PRDM7: variants seen among roughly 807,000 people sequenced by gnomAD.
PRDM7 encodes the protein histone-lysine N-methyltransferase PRDM7.
Under a neutral mutation model 64.3 loss-of-function variants are expected in PRDM7, and 52 were observed. The observed-to-expected ratio is 0.81, with a 90% CI of 0.65 to 1.02. The LOEUF is 1.02. Among genes scored for constraint, PRDM7 ranks in the 50% least tolerant of loss-of-function variants. PRDM7 has a pLI of 0.00. For synonymous variants in PRDM7, 192 were observed against 210.1 expected (o/e 0.91, Z 0.74); for missense variants, 574 against 597.1 (o/e 0.96, Z 0.40).
chr16:90,060,218 C>T (rs2037748384), intron 10 of PRDM7, 123 bp downstream of exon 10: 1 of 1,406,658 alleles, frequency 7.1e-7, no homozygotes, highest in Admixed American at 2.1e-5. Flanking sequence ...TTTTGGAAGC[C>T]ACTGATGTAA....
chr16:90,060,236 C>T, intron 10 of PRDM7, 105 bp downstream of exon 10: 1 of 1,536,736 alleles, frequency 6.5e-7, no homozygotes, highest in South Asian at 1.2e-5. Flanking sequence ...TAAAATTTTA[C>T]TGACTTTAGA....
At chr16:90,071,812 A>G (rs982588856) in intron 4 of PRDM7, among the ~76,000 whole-genome samples, 7 of 152,334 alleles carry the variant, frequency 4.6e-5, no homozygotes, top group Admixed American at 2.0e-4. Context: ...AGACACTGTA[A>G]AAAAACAGTA....
At chr16:90,072,943 C>A (rs1012187255) in intron 4 of PRDM7, among the ~76,000 whole-genome samples, 1 of 152,154 alleles carries the variant, frequency 6.6e-6, no homozygotes, top group African/African-American at 2.4e-5. Flanking sequence ...ATGGGGAAAT[C>A]GTAGACCCAA....
At chr16:90,070,245 C>T (rs369551069) in intron 4 of PRDM7, among the ~76,000 whole-genome samples, 1 of 150,822 alleles carries the variant, frequency 6.6e-6, no homozygotes, top group Admixed American at 6.6e-5. Flanking sequence ...GATGGAGCCA[C>T]TGGTAGGTAA....
In PRDM7 at chr16:90,075,928, G is replaced by A; in HGVS notation, c.-18C>T. On this transcript the variant is annotated 5_prime_UTR_variant, in exon 2 of 11. Coordinates refer to ENST00000449207, the MANE Select transcript of PRDM7 (RefSeq NM_001098173.2). This position sits in a 1 kb window ranked among gnomAD's most constrained non-coding sequence, Gnocchi z 4.3. ...GGGCTCATGGTGCTGGGACTGTCTAGAAGGCCCTGCTCCAATTCTGAGTGT... is the reference window on the plus strand; with the variant it reads ...GGGCTCATGGTGCTGGGACTGTCTAAAAGGCCCTGCTCCAATTCTGAGTGT... The A allele has an allele frequency of 6.2e-7, 1 of 1,611,914 alleles. No individual in the cohort carries two copies.
rs1252081658 is a variant in PRDM7, at chr16:90,074,937, C to A, written c.280G>T (p.Glu94Ter). Residue 94 changes from glutamate to a stop codon, truncating the protein, a stop_gained, in exon 4 of 11, where the codon GAA (glutamate) becomes TAA (stop). Transcript: ENST00000449207. LOFTEE classifies it high-confidence loss of function. ...TTACCTTGCTGCCTAGGTGTCCATT[C>A]TTCATCGGAATCTTCTGTGTCATCC... ...QVDDTEDSDE[E>*]WTPRQQVKPP... is the part of the protein sequence containing the mutation. The A allele has an allele frequency of 4.3e-6, 7 of 1,614,058 alleles. No individual in the cohort carries two copies. Among genetic ancestry groups the A allele is most frequent in the Non-Finnish European group, 5.1e-6 (6 of 1,180,004 alleles).
intron 5 of PRDM7, among the ~76,000 whole-genome samples, chr16:90,065,127 C>T (rs1015185967): frequency 6.6e-6 from 1 of 150,474 alleles, no homozygotes; most frequent in African/African-American, 2.5e-5. Flanking sequence ...TCTCGCCAGG[C>T]ACAGTGGCTC....
Position 90,075,508 on chromosome 16 carries a change from C to T in PRDM7, c.70-34G>A, listed in dbSNP as rs150759387. 9.4e-4 allele frequency: 1,514 copies of T among 1,614,182 alleles called. 17 individuals are homozygous for T. The East Asian group carries it at 0.021, about 23-fold the overall frequency. ...AGTAACAGATTCCATCAGTGATTTA[C>T]TAATACACATCGAGCTGGTCCTTTT... On this transcript the variant is annotated intron_variant, in intron 2 of 10. Coordinates refer to ENST00000449207, the MANE Select transcript of PRDM7 (RefSeq NM_001098173.2). This position sits in a 1 kb window ranked among gnomAD's most constrained non-coding sequence, Gnocchi z 4.3.
chr16:90,067,745 C>T (rs2037899341), intron 4 of PRDM7, among the ~76,000 whole-genome samples: 1 of 150,558 alleles, frequency 6.6e-6, no homozygotes, highest in Non-Finnish European at 1.5e-5. Context: ...TGCCTGCCAC[C>T]ACGCCCAGCT....
At position 90,063,628 on chromosome 16, in the gene PRDM7, G is replaced by A; in HGVS notation, c.492C>T (p.His164=). Residue 164 remains histidine (H), a synonymous_variant, in exon 6 of 11, where the codon CAC becomes CAT. Transcript: ENST00000449207. ...TTTTCTTACCCAGTTTTAGTCTAGA[G>A]TGCTGTCCAGAGGTACTTGCTTCTC... The part of the protein sequence containing the change: ...PPGEASTSGQ[H]SRLKLELRRK... The A allele has an allele frequency of 1.2e-6, 2 of 1,613,538 alleles. No individual in the cohort carries two copies. The highest frequency in any genetic ancestry group is 1.7e-6 in the Non-Finnish European group (2 of 1,180,008).
In PRDM7 at chr16:90,058,488, A is replaced by G. The variant is rs201888078; in HGVS notation, c.1280T>C (p.Phe427Ser). 4.3e-6 allele frequency: 7 copies of G among 1,614,198 alleles called. No individual in the cohort carries two copies. Among genetic ancestry groups the G allele is most frequent in the Non-Finnish European group, 5.9e-6 (7 of 1,180,036 alleles). The part of the protein sequence containing the change: ...SIHVPHAVWP[F>S]QVKNFSVNMW... ...GTTGACTGAGAAATTTTTGACTTGA[A>G]AAGGCCAGACAGCATGAGGGACATG... Residue 427 changes from phenylalanine to serine, a missense_variant, in exon 11 of 11, where the codon TTT (phenylalanine) becomes TCT (serine). Phe to Ser is a radical substitution (Grantham distance 155). Transcript: ENST00000449207.
chr16:90,060,247 C>T (rs1056541121), intron 10 of PRDM7, 94 bp downstream of exon 10: 94 of 1,581,136 alleles, frequency 5.9e-5, no homozygotes, highest in East Asian at 3.4e-4. Flanking sequence ...TGACTTTAGA[C>T]GGCGTTTTAC....
In PRDM7 at chr16:90,058,170, T is replaced by G. The variant is rs201661430; in HGVS notation, c.*119A>C. 1.2e-4 allele frequency: 199 copies of G among 1,614,240 alleles called. 1 individual carries two copies. In the East Asian group the frequency reaches 3.8e-3, roughly 31 times the overall value. ...ATTTGCCTGTGTTCCCTGGATTCACTTTCTGGCCTGTTCTGGACTCTTCTT... is the reference window on the plus strand; with the variant it reads ...ATTTGCCTGTGTTCCCTGGATTCACGTTCTGGCCTGTTCTGGACTCTTCTT... On this transcript the variant is annotated 3_prime_UTR_variant, in exon 11 of 11. Transcript: ENST00000449207.
intron 4 of PRDM7, among the ~76,000 whole-genome samples, chr16:90,071,609 A>AT (rs2037956922): frequency 2.2e-5 from 1 of 44,970 alleles, no homozygotes; most frequent in African/African-American, 4.0e-5. Flanking sequence ...CATCCTTTTC[A>AT]TCGGAACCCA....
At chr16:90,076,329 CT>C (rs1041199268) in intron 1 of PRDM7, among the ~76,000 whole-genome samples, 7 of 152,106 alleles carry the variant, frequency 4.6e-5, no homozygotes, top group African/African-American at 1.7e-4. Context: ...TCAAGGAGAC[CT>C]TGAGGCCCCC....
intron 5 of PRDM7, among the ~76,000 whole-genome samples, chr16:90,064,538 C>T (rs531141148): frequency 6.6e-6 from 1 of 151,836 alleles, no homozygotes; most frequent in Non-Finnish European, 1.5e-5. Context: ...CTCAGCCTCC[C>T]GAGAAGCTAG....
chr16:90,057,692 G>T lies in PRDM7; in HGVS notation c.*597C>A. The T allele has an allele frequency of 8.5e-7, 1 of 1,177,146 alleles. No homozygotes were observed. Among genetic ancestry groups the T allele is most frequent in the Non-Finnish European group, 1.1e-6 (1 of 927,918 alleles). The allele number at this position is 1,177,146 out of a possible 1,614,324, so 72.9% of individuals were successfully genotyped here. ...TGAAAGTGGCGGATTTGTTTAATTA[G>T]TTATTTCCGATCTCTTTACACTCTC... On this transcript the variant is annotated 3_prime_UTR_variant, in exon 11 of 11. Coordinates refer to ENST00000449207, the MANE Select transcript of PRDM7 (RefSeq NM_001098173.2).
At chr16:90,072,829 T>C (rs1000050610) in intron 4 of PRDM7, among the ~76,000 whole-genome samples, 2 of 152,234 alleles carry the variant, frequency 1.3e-5, no homozygotes, top group Non-Finnish European at 2.9e-5. Context: ...AGATTCCCTC[T>C]AAAGAGACAT....
intron 6 of PRDM7, 48 bp downstream of exon 6, chr16:90,063,564 T>G (rs2037818798): frequency 6.2e-7 from 1 of 1,602,004 alleles, no homozygotes. Flanking sequence ...CTCACCAACC[T>G]TTCTAGAGGA....
Sources: gnomAD v4.1 joint callset for allele counts (sites outside exome capture counted in the v4.1 genomes callset) on GRCh38, gnomAD v4.1.1 for gene constraint, Gnocchi (gnomAD v3.1) non-coding constraint, MANE v1.5 for transcripts, NCBI Gene and HGNC (gene_info 2026-07-23, HGNC 2026-07-21) for gene names.